The following CUX2 variants were observed in gnomAD, a reference collection of about 807,000 sequenced individuals.
The protein encoded by CUX2 is homeobox protein cut-like 2.
A neutral mutation model predicts 144.8 loss-of-function variants in CUX2; 40 were observed. The observed-to-expected ratio is 0.28, with a 90% CI of 0.21 to 0.36. CUX2 has a LOEUF of 0.36. Among genes scored for constraint, CUX2 ranks in the 10% least tolerant of loss-of-function variants. CUX2 has a pLI of 1.00. For synonymous variants in CUX2, 827 were observed against 875.6 expected (o/e 0.94, Z 0.98); for missense variants, 1,615 against 1,994.0 (o/e 0.81, Z 3.62).
At chr12:111,045,558 C>G (rs183218686) in intron 1 of CUX2, among the ~76,000 whole-genome samples, 4 of 152,310 alleles carry the variant, frequency 2.6e-5, no homozygotes, top group Admixed American at 2.6e-4. Context: ...GTGAGCCTTT[C>G]CTAATGGTGA....
At chr12:111,087,678 C>T (rs896726169) in intron 1 of CUX2, among the ~76,000 whole-genome samples, 3 of 152,212 alleles carry the variant, frequency 2.0e-5, no homozygotes, top group African/African-American at 7.2e-5. Context: ...AGGACAGAGG[C>T]TTTGTCTGCC....
At chr12:111,245,014 G>A (rs1229425847) in intron 3 of CUX2, among the ~76,000 whole-genome samples, 2 of 152,100 alleles carry the variant, frequency 1.3e-5, no homozygotes, top group African/African-American at 4.8e-5. Context: ...AAGGCTGCTT[G>A]TCTTTGAGAA....
intron 3 of CUX2, among the ~76,000 whole-genome samples, chr12:111,218,870 G>A (rs1330122750): frequency 2.4e-5 from 2 of 82,930 alleles, no homozygotes; most frequent in Non-Finnish European, 2.4e-5. Flanking sequence ...GCCCCACCCC[G>A]CCCATTTCTC....
intron 1 of CUX2, among the ~76,000 whole-genome samples, chr12:111,196,270 G>A (rs950386212): frequency 6.6e-6 from 1 of 152,192 alleles, no homozygotes; most frequent in African/African-American, 2.4e-5. Flanking sequence ...TGGGCATGTG[G>A]GTTGTTTGTA....
chr12:111,131,712 A>T (rs1875491926), intron 1 of CUX2, among the ~76,000 whole-genome samples: 1 of 152,240 alleles, frequency 6.6e-6, no homozygotes, highest in Admixed American at 6.5e-5. Context: ...CCAGTGGGGC[A>T]GTCAAATTTT....
chr12:111,331,247 G>A (rs757285753), intron 18 of CUX2, among the ~76,000 whole-genome samples: 2 of 152,166 alleles, frequency 1.3e-5, no homozygotes, highest in South Asian at 2.1e-4. Flanking sequence ...ACCCACGACA[G>A]AGAAGGAAGG....
intron 3 of CUX2, among the ~76,000 whole-genome samples, chr12:111,258,633 G>C (rs988402880): frequency 6.6e-6 from 1 of 151,996 alleles, no homozygotes; most frequent in African/African-American, 2.4e-5. Flanking sequence ...TTGAAAGTCC[G>C]TTGACTTTGG....
Position 111,075,855 on chromosome 12 carries a change from T to C in CUX2, c.63+41615T>C, listed in dbSNP as rs567523309. On this transcript the variant is annotated intron_variant, in intron 1 of 21. Coordinates refer to ENST00000261726, the MANE Select transcript of CUX2 (RefSeq NM_015267.4). ...CACTCTGCCTAGGAAATGAGCAAAA[T>C]AGTCTCCATCAGACCAAGTGGGAAA... is the stretch of plus-strand genomic sequence containing the variant. Among the ~76,000 whole-genome samples the C allele has an allele frequency of 9.2e-5, 14 of 152,150 alleles. No homozygotes were observed. In the South Asian group the frequency reaches 2.9e-3, roughly 32 times the overall value.
intron 1 of CUX2, among the ~76,000 whole-genome samples, chr12:111,174,683 G>T (rs2136171689): frequency 1.3e-5 from 2 of 152,350 alleles, no homozygotes; most frequent in South Asian, 4.1e-4. Context: ...AAGGTGGGCT[G>T]AAGGAAAAGC....
rs1470202335 is a variant in CUX2 at position 111,298,547 on chromosome 12, T to A, written c.711T>A (p.Asp237Glu). Residue 237 changes from aspartate (D) to glutamate (E), a missense_variant, in exon 9 of 22, where the codon GAT becomes GAA. Physicochemically the swap from Asp to Glu is conservative, Grantham distance 45. This residue lies in a region of CUX2 where 295 missense variants were observed against 400.2 expected (regional missense o/e 0.74). Transcript: ENST00000261726. ...CCTCATCTTTGTGTCTCAGGGCAGATGAAGTCGGCCTGATCATGACCAACC... is the reference window on the plus strand; with the variant it reads ...CCTCATCTTTGTGTCTCAGGGCAGAAGAAGTCGGCCTGATCATGACCAACC... ...KYDEEAASKA[D>E]EVGLIMTNLE... The A allele has an allele frequency of 1.3e-6, 2 of 1,579,672 alleles. No homozygotes were observed. The highest frequency in any genetic ancestry group is 1.7e-6 in the Non-Finnish European group (2 of 1,162,252).
intron 1 of CUX2, among the ~76,000 whole-genome samples, chr12:111,163,060 A>AAAAT (rs1877886357): frequency 6.6e-6 from 1 of 151,794 alleles, no homozygotes; most frequent in South Asian, 2.1e-4. Flanking sequence ...AAAAAAAAAA[A>AAAAT]AAGGAATTTG....
chr12:111,204,051 G>C (rs773983562), intron 1 of CUX2, among the ~76,000 whole-genome samples: 2 of 152,192 alleles, frequency 1.3e-5, no homozygotes, highest in African/African-American at 2.4e-5. Flanking sequence ...CCATAGCCTG[G>C]AACCCCTGCA....
At chr12:111,156,985 C>CAAAAAAAAAAAAAAAAAAAA in intron 1 of CUX2, among the ~76,000 whole-genome samples, 1 of 18,994 alleles carries the variant, frequency 5.3e-5, no homozygotes, top group Non-Finnish European at 8.8e-5. Flanking sequence ...AAACTTCTCT[C>CAAAAAAAAAAAAAAAAAAAA]AAAAAAAAAA....
chr12:111,283,230 A>T (rs1326065749), intron 4 of CUX2, among the ~76,000 whole-genome samples: 1 of 150,870 alleles, frequency 6.6e-6, no homozygotes, highest in Non-Finnish European at 1.5e-5. Flanking sequence ...AAAAAAAAAA[A>T]CCTATCCCCA....
chr12:111,134,007 C>T (rs1875680498), intron 1 of CUX2, among the ~76,000 whole-genome samples: 2 of 152,160 alleles, frequency 1.3e-5, no homozygotes, highest in Admixed American at 6.6e-5. Context: ...GCTAGGAGTT[C>T]AACTTGCATT....
chr12:111,308,415 C>G lies in CUX2; in HGVS notation c.1159-12C>G. ...CACCAGGTGCCCTCTCAACCTGCCT[C>G]TTGTCTCCTAGGGCATGGCCAAGCC... On this transcript the variant is annotated splice_polypyrimidine_tract_variant and intron_variant, in intron 13 of 21. Transcript: ENST00000261726. 1.2e-6 allele frequency: 2 copies of G among 1,614,126 alleles called. No homozygotes were observed. Among genetic ancestry groups the G allele is most frequent in the Non-Finnish European group, 1.7e-6 (2 of 1,179,976 alleles).
chr12:111,044,465 GT>G (rs966054759), intron 1 of CUX2, among the ~76,000 whole-genome samples: 1 of 152,022 alleles, frequency 6.6e-6, no homozygotes, highest in African/African-American at 2.4e-5. Context: ...CAGCTTCAGG[GT>G]TTTGGCACTT....
chr12:111,172,137 TTGTGTGTGCATGTGCCTC>T, intron 1 of CUX2, among the ~76,000 whole-genome samples: 1 of 151,204 alleles, frequency 6.6e-6, no homozygotes, highest in South Asian at 2.1e-4. Context: ...GCATGTGCCT[TTGTGTGTGCATGTGCCTC>T]TGTGTGTGTG....
At chr12:111,269,939 A>G (rs1212800431) in intron 4 of CUX2, among the ~76,000 whole-genome samples, 1 of 152,220 alleles carries the variant, frequency 6.6e-6, no homozygotes, top group Non-Finnish European at 1.5e-5. Context: ...AAGGAGCCTT[A>G]ACTGATGGAG....
Sources: gnomAD v4.1 joint callset for allele counts (sites outside exome capture counted in the v4.1 genomes callset) on GRCh38, gnomAD v4.1.1 for gene constraint, gnomAD v4.1.1 regional missense constraint, MANE v1.5 for transcripts, NCBI Gene and HGNC (gene_info 2026-07-23, HGNC 2026-07-21) for gene names.